The following MCUB variants were observed in gnomAD, a reference collection of about 807,000 sequenced individuals.
The protein encoded by MCUB is mitochondrial calcium uniporter dominant negative subunit beta, also known as calcium uniporter regulatory subunit MCUb, mitochondrial.
In MCUB, 46 loss-of-function variants were observed where a neutral mutation model predicts 41.4. The ratio of observed to expected loss-of-function variants is 1.11; its 90% CI spans 0.88 to 1.42. The LOEUF (loss-of-function observed/expected upper bound fraction) is 1.42. Ranked by LOEUF, MCUB falls within the 40% of genes most tolerant of loss-of-function variation. MCUB has a pLI of 0.00. For missense variants in MCUB, 403 were observed against 404.9 expected, an observed-to-expected ratio of 1.00 and a Z score of 0.04; for synonymous variants, 148 against 148.2, an observed-to-expected ratio of 1.00 and a Z score of 0.01.
intron 1 of MCUB, among the ~76,000 whole-genome samples, chr4:109,657,218 CAAAA>C (rs56707630): frequency 0.3 from 33,754 of 111,134 alleles, 4,273 homozygotes; most frequent in East Asian, 0.45. Flanking sequence ...TATTCCATCT[CAAAA>C]AAAAAAAAAA....
At chr4:109,616,988 T>C (rs1728139468) in intron 1 of MCUB, among the ~76,000 whole-genome samples, 1 of 152,192 alleles carries the variant, frequency 6.6e-6, no homozygotes, top group African/African-American at 2.4e-5. Flanking sequence ...AGTCTGAATA[T>C]CTAATTTTAT....
rs561446751 is a variant in MCUB at position 109,560,541 on chromosome 4, C to T, written c.99+105C>T. ...AGCCGAGCGGCCGAGCAGTCAACTG[C>T]GTTTTGCTGGCTGCCGGGCTCCGCG... On this transcript the variant is annotated intron_variant, in intron 1 of 7. Coordinates refer to ENST00000394650, the MANE Select transcript of MCUB (RefSeq NM_017918.5). 4.8e-4 allele frequency: 257 copies of T among 536,058 alleles called. 1 individual carries two copies. Among genetic ancestry groups the T allele is most frequent in the African/African-American group, 4.5e-3 (228 of 51,050 alleles). The allele number at this position is 536,058 out of a possible 1,614,324, so 33.2% of individuals were successfully genotyped here.
intron 1 of MCUB, among the ~76,000 whole-genome samples, chr4:109,619,601 G>T (rs1418638385): frequency 6.6e-6 from 1 of 152,172 alleles, no homozygotes; most frequent in Non-Finnish European, 1.5e-5. Context: ...CAGCAACTCA[G>T]GAGGCTGAGG....
intron 1 of MCUB, among the ~76,000 whole-genome samples, chr4:109,639,005 C>A (rs546242831): frequency 1.3e-5 from 2 of 152,110 alleles, no homozygotes; most frequent in African/African-American, 2.4e-5. Context: ...CAAAGTCATC[C>A]GAGAGGGTTG....
At chr4:109,647,622 A>T (rs185256632) in intron 1 of MCUB, among the ~76,000 whole-genome samples, 2 of 152,236 alleles carry the variant, frequency 1.3e-5, no homozygotes, top group African/African-American at 4.8e-5. Flanking sequence ...AGTTTCGGCA[A>T]TTATAAACAA....
chr4:109,640,871 A>G (rs1454074153), intron 1 of MCUB, among the ~76,000 whole-genome samples: 1 of 152,200 alleles, frequency 6.6e-6, no homozygotes, highest in Admixed American at 6.5e-5. Flanking sequence ...TAACTGGTAC[A>G]AGAAGTTTAG....
intron 1 of MCUB, among the ~76,000 whole-genome samples, chr4:109,597,775 G>A (rs561346023): frequency 1.1e-4 from 17 of 150,082 alleles, no homozygotes; most frequent in South Asian, 4.2e-4. Context: ...GCTGCCGGGC[G>A]GAGAGGCTCC....
At chr4:109,613,028 C>T (rs151096976) in intron 1 of MCUB, among the ~76,000 whole-genome samples, 2,715 of 152,068 alleles carry the variant, frequency 0.018, 46 homozygotes, top group Middle Eastern at 0.031. Flanking sequence ...ATGGTGTGAA[C>T]CCGGGAGGCA....
At chr4:109,651,241 T>A (rs1448654960) in intron 1 of MCUB, among the ~76,000 whole-genome samples, 1 of 152,232 alleles carries the variant, frequency 6.6e-6, no homozygotes, top group Admixed American at 6.5e-5. Flanking sequence ...ATGCTAAAAA[T>A]TGTTCCAGAT....
chr4:109,610,439 A>C (rs1195995316), intron 1 of MCUB, among the ~76,000 whole-genome samples: 1 of 152,210 alleles, frequency 6.6e-6, no homozygotes. Flanking sequence ...TTCTATAAGC[A>C]TCTCACATCT....
intron 5 of MCUB, among the ~76,000 whole-genome samples, chr4:109,683,944 A>G (rs975768351): frequency 6.6e-6 from 1 of 152,092 alleles, no homozygotes; most frequent in African/African-American, 2.4e-5. Flanking sequence ...AAAGAGTTTT[A>G]TTAGTGAGCT....
At chr4:109,635,433 A>C (rs1728568704) in intron 1 of MCUB, among the ~76,000 whole-genome samples, 1 of 152,190 alleles carries the variant, frequency 6.6e-6, no homozygotes, top group Non-Finnish European at 1.5e-5. Context: ...CGTTCCTGGC[A>C]ACATAGCCGC....
At chr4:109,619,536 A>G (rs570967687) in intron 1 of MCUB, among the ~76,000 whole-genome samples, 4 of 152,176 alleles carry the variant, frequency 2.6e-5, no homozygotes, top group Admixed American at 6.5e-5. Flanking sequence ...TGAAACACCC[A>G]TCTCTACTAA....
At chr4:109,664,665 G>A (rs941516776) in intron 4 of MCUB, among the ~76,000 whole-genome samples, 2 of 152,052 alleles carry the variant, frequency 1.3e-5, no homozygotes, top group Admixed American at 6.6e-5. Context: ...ACCTTTAGCT[G>A]TGAGGTTTCC....
At chr4:109,618,502 T>G (rs1353766516) in intron 1 of MCUB, among the ~76,000 whole-genome samples, 1 of 152,206 alleles carries the variant, frequency 6.6e-6, no homozygotes, top group Admixed American at 6.5e-5. Context: ...ACCCAAATCC[T>G]TGTCTTAGGC....
intron 1 of MCUB, among the ~76,000 whole-genome samples, chr4:109,626,566 A>G (rs889082061): frequency 3.3e-5 from 5 of 151,990 alleles, no homozygotes; most frequent in Non-Finnish European, 7.4e-5. Context: ...TAATCCTAGC[A>G]CTTTGGGAGG....
intron 1 of MCUB, among the ~76,000 whole-genome samples, chr4:109,587,170 T>A (rs1160513907): frequency 6.6e-6 from 1 of 152,248 alleles, no homozygotes; most frequent in Non-Finnish European, 1.5e-5. Context: ...CAATGGCGGA[T>A]GCCCCTCCCC....
intron 5 of MCUB, 47 bp downstream of exon 5, chr4:109,682,789 T>C: frequency 7.0e-7 from 1 of 1,420,732 alleles, no homozygotes. Flanking sequence ...ATACCTAGTG[T>C]TTATTGAGTG....
At position 109,688,204 on chromosome 4, in the gene MCUB, A is replaced by C. The variant is rs1729896672; in HGVS notation, c.*612A>C. 1 of 152,264 alleles carries C rather than the reference A, an allele frequency of 6.6e-6. No individual in the cohort carries two copies. The highest frequency in any genetic ancestry group is 2.1e-4 in the South Asian group (1 of 4,832). The allele number at this position is 152,264 out of a possible 1,614,324, so 9.4% of individuals were successfully genotyped here. A position where few individuals can be genotyped will look rare whatever the true frequency, so the allele number is the denominator to read the frequency against. ...ACAAGTTTCAGGTATCGAAGCCAAA[A>C]CAGTTAACTTTCTTCAGCCTCTGGC... On this transcript the variant is annotated 3_prime_UTR_variant, in exon 8 of 8. Coordinates refer to ENST00000394650, the MANE Select transcript of MCUB (RefSeq NM_017918.5).
Sources: gnomAD v4.1 joint callset for allele counts (sites outside exome capture counted in the v4.1 genomes callset) on GRCh38, gnomAD v4.1.1 for gene constraint, MANE v1.5 for transcripts, NCBI Gene and HGNC (gene_info 2026-07-23, HGNC 2026-07-21) for gene names.